The following MID2 variants were observed in gnomAD, a reference collection of about 807,000 sequenced individuals.
MID2 encodes probable E3 ubiquitin-protein ligase MID2.
In MID2, 13 loss-of-function variants were observed where a neutral mutation model predicts 46.1. That is an observed-to-expected ratio of 0.28 (90% CI 0.18 to 0.45). The LOEUF is 0.45. Ranked by LOEUF, MID2 falls within the 20% of genes least tolerant of loss-of-function variation. The probability of loss-of-function intolerance (pLI) is 1.00; values close to 1 mark genes in which losing one functional copy is unlikely to be tolerated. For synonymous variants in MID2, 199 were observed against 212.3 expected, an observed-to-expected ratio of 0.94 and a Z score of 0.55; for missense variants, 431 against 575.4, an observed-to-expected ratio of 0.75 and a Z score of 2.57.
intron 2 of MID2, among the ~76,000 whole-genome samples, chrX:107,845,519 A>ACTCTCTCTCTCT (rs1462079221): frequency 1.2e-5 from 1 of 82,132 alleles, no homozygotes; most frequent in Non-Finnish European, 2.1e-5. Flanking sequence ...ACACACACAC[A>ACTCTCTCTCTCT]CACACACTCT....
chrX:107,915,129 G>C (rs781518939), intron 5 of MID2, among the ~76,000 whole-genome samples: 1 of 112,343 alleles, frequency 8.9e-6, no homozygotes, highest in South Asian at 3.7e-4. Flanking sequence ...CAAATGCTGT[G>C]TTAGGGCCAT....
intron 2 of MID2, among the ~76,000 whole-genome samples, chrX:107,847,559 G>A (rs1931519572): frequency 8.9e-6 from 1 of 112,052 alleles, no homozygotes; most frequent in African/African-American, 3.2e-5. Flanking sequence ...ATGTCTTGAA[G>A]GATGGTGGTA....
chrX:107,887,262 T>G lies in MID2; in HGVS notation c.817-16696T>G, dbSNP rs778136803. 9.7e-3 allele frequency among the ~76,000 whole-genome samples: 1,081 copies of G among 111,898 alleles called. 7 individuals carry two copies. Among genetic ancestry groups the G allele is most frequent in the Non-Finnish European group, 0.014 (757 of 53,133 alleles). On this transcript the variant is annotated intron_variant, in intron 3 of 9. Transcript: ENST00000262843. Reference sequence around the variant, plus strand: ...TCAGTATGATATTGGCTGTGGGTTTTTCATAAATAGCTCTTATTATTTTGA... The same window carrying G: ...TCAGTATGATATTGGCTGTGGGTTTGTCATAAATAGCTCTTATTATTTTGA...
intron 3 of MID2, among the ~76,000 whole-genome samples, chrX:107,884,509 C>T (rs1932401564): frequency 8.9e-6 from 1 of 112,042 alleles, no homozygotes; most frequent in African/African-American, 3.2e-5. Context: ...GGCTTTCAAG[C>T]GTCAAAGCAG....
intron 3 of MID2, among the ~76,000 whole-genome samples, chrX:107,898,334 A>G (rs1217250646): frequency 2.7e-5 from 3 of 111,274 alleles, no homozygotes; most frequent in East Asian, 5.7e-4. Context: ...CACGTTTTCT[A>G]TTTTTCTGCT....
At chrX:107,834,401 T>G (rs1931159397) in intron 1 of MID2, among the ~76,000 whole-genome samples, 3 of 112,047 alleles carry the variant, frequency 2.7e-5, no homozygotes, top group Admixed American at 1.9e-4. Context: ...TATGACAAAT[T>G]GTAAAAACTT....
intron 1 of MID2, among the ~76,000 whole-genome samples, chrX:107,828,297 CTTTCTTTCT>C (rs1351459705): frequency 4.1e-5 from 4 of 97,223 alleles, no homozygotes; most frequent in African/African-American, 1.8e-4. Flanking sequence ...CTTTTCTTTT[CTTTCTTTCT>C]TTTCTTTTTT....
chrX:107,917,151 A>G (rs1477379609), intron 6 of MID2, among the ~76,000 whole-genome samples: 1 of 111,676 alleles, frequency 9.0e-6, no homozygotes, highest in Non-Finnish European at 1.9e-5. Flanking sequence ...ATATATATAT[A>G]TACTCATTTT....
At chrX:107,918,007 C>G (rs1933002817) in intron 7 of MID2, among the ~76,000 whole-genome samples, 1 of 111,384 alleles carries the variant, frequency 9.0e-6, no homozygotes, top group African/African-American at 3.3e-5. Context: ...ATGAACATCT[C>G]TCTCCTTGAC....
At chrX:107,877,458 T>A (rs767975556) in intron 3 of MID2, among the ~76,000 whole-genome samples, 1 of 112,034 alleles carries the variant, frequency 8.9e-6, no homozygotes, top group African/African-American at 3.2e-5. Flanking sequence ...TCATTTCACT[T>A]CCTTCTTTCA....
rs780006573 is a variant in MID2, at chrX:107,841,339, G to A, written c.674G>A (p.Arg225Gln). 6.6e-6 allele frequency: 8 copies of A among 1,206,034 alleles called. No homozygotes were observed. Among genetic ancestry groups the A allele is most frequent in the Admixed American group, 2.2e-5 (1 of 45,544 alleles). Residue 225 changes from arginine to glutamine, a missense_variant, in exon 2 of 10, where the codon CGA becomes CAA. Physicochemically the swap from Arg to Gln is conservative, Grantham distance 43. Transcript: ENST00000262843. The part of the protein sequence containing the change: ...CALCKLVGRH[R>Q]DHQVASLNDR... ...TTATGCAAACTGGTGGGTCGTCACC[G>A]AGACCATCAGGTCGCATCCCTGAAT...
rs1933243604 is a variant in MID2, at chrX:107,929,376, T to G, written c.*2303T>G. On this transcript the variant is annotated 3_prime_UTR_variant, in exon 10 of 10. Coordinates refer to ENST00000262843, the MANE Select transcript of MID2 (RefSeq NM_012216.4). Reference sequence around the variant, plus strand: ...TAGAAGGTCCCAACTCCTTACAGAGTCTGGGTTTTCATGTCCCTGTTTGCT... The same window carrying G: ...TAGAAGGTCCCAACTCCTTACAGAGGCTGGGTTTTCATGTCCCTGTTTGCT... 9.0e-6 allele frequency among the ~76,000 whole-genome samples: 1 copy of G among 110,940 alleles called. No homozygotes were observed.
At chrX:107,854,517 C>G in intron 2 of MID2, 92 bp from the exon 3 acceptor site, 1 of 626,880 alleles carries the variant, frequency 1.6e-6, no homozygotes, top group Non-Finnish European at 2.6e-6. Flanking sequence ...TACTGACTAA[C>G]CGATTTTCAC....
intron 3 of MID2, among the ~76,000 whole-genome samples, chrX:107,897,188 G>C (rs1239048943): frequency 9.0e-6 from 1 of 111,213 alleles, no homozygotes; most frequent in Non-Finnish European, 1.9e-5. Context: ...AATTCACTAC[G>C]ATAGTTATAC....
chrX:107,833,565 C>G lies in MID2; in HGVS notation c.5-7105C>G, dbSNP rs1277824467. Among the ~76,000 whole-genome samples the G allele has an allele frequency of 1.8e-5, 2 of 109,279 alleles. 1 individual carries two copies. The highest frequency in any genetic ancestry group is 3.8e-5 in the Non-Finnish European group (2 of 52,595). The allele number at this position is 109,279 out of a possible 115,157, so 94.9% of individuals were successfully genotyped here. On this transcript the variant is annotated intron_variant, in intron 1 of 9. Coordinates refer to ENST00000262843, the MANE Select transcript of MID2 (RefSeq NM_012216.4). ...AAGGTAGTGGGAGCTCAGATACATG[C>G]TTTGCAGACCCGGAAGAAAAAAAAT...
intron 3 of MID2, among the ~76,000 whole-genome samples, chrX:107,873,963 C>T (rs1266826725): frequency 2.7e-5 from 3 of 112,192 alleles, no homozygotes; most frequent in Non-Finnish European, 5.6e-5. Flanking sequence ...AATTTGAGTG[C>T]CCTTGTGAGG....
At chrX:107,862,695 A>G (rs1416628966) in intron 3 of MID2, among the ~76,000 whole-genome samples, 2 of 112,457 alleles carry the variant, frequency 1.8e-5, no homozygotes, top group Non-Finnish European at 3.8e-5. Context: ...CCAAAAGAAA[A>G]GTTTTAGGGA....
chrX:107,895,888 A>C (rs1295778283), intron 3 of MID2: 1 of 112,126 alleles, frequency 8.9e-6, no homozygotes, highest in Non-Finnish European at 1.9e-5. Flanking sequence ...CTGTCTCTTA[A>C]GTGATGGAGT....
intron 1 of MID2, among the ~76,000 whole-genome samples, chrX:107,837,795 G>A (rs1310451311): frequency 9.0e-6 from 1 of 111,671 alleles, no homozygotes; most frequent in Non-Finnish European, 1.9e-5. Context: ...TACAGTAATA[G>A]TAACTTCCTC....
Sources: allele counts gnomAD v4.1 joint callset (sites outside exome capture counted in the v4.1 genomes callset), GRCh38; gene constraint gnomAD v4.1.1; transcripts MANE v1.5; gene names NCBI Gene and HGNC (gene_info 2026-07-23, HGNC 2026-07-21).